SKAP1: variants seen among roughly 807,000 people sequenced by gnomAD.
SKAP1 encodes the protein src kinase associated phosphoprotein 1.
Under a neutral mutation model 58.5 loss-of-function variants are expected in SKAP1, and 44 were observed. The ratio of observed to expected loss-of-function variants is 0.75; its 90% CI spans 0.59 to 0.97. The LOEUF is 0.97. Among genes scored for constraint, SKAP1 ranks in the 50% least tolerant of loss-of-function variants. SKAP1 has a pLI of 0.00. For missense variants in SKAP1, 390 were observed against 435.2 expected, an observed-to-expected ratio of 0.90 and a Z score of 0.92; for synonymous variants, 127 against 149.7, an observed-to-expected ratio of 0.85 and a Z score of 1.11.
chr17:48,345,151 C>T (rs770920838), intron 4 of SKAP1, among the ~76,000 whole-genome samples: 5 of 152,182 alleles, frequency 3.3e-5, no homozygotes, highest in African/African-American at 4.8e-5. Context: ...AGAGGCACAG[C>T]GGATCCCCAC....
At chr17:48,397,426 A>G (rs1391869740) in intron 1 of SKAP1, among the ~76,000 whole-genome samples, 1 of 152,178 alleles carries the variant, frequency 6.6e-6, no homozygotes, top group Non-Finnish European at 1.5e-5. Flanking sequence ...GGTTTTCATC[A>G]TGTTGCCCAG....
intron 1 of SKAP1, among the ~76,000 whole-genome samples, chr17:48,416,424 GTCCATCCCAGGGCTC>G (rs1396950005): frequency 1.3e-5 from 2 of 152,144 alleles, no homozygotes; most frequent in African/African-American, 4.8e-5. Flanking sequence ...ACTCCCAGGG[GTCCATCCCAGGGCTC>G]TCCTTGTACT....
chr17:48,148,512 T>C (rs917922577), intron 11 of SKAP1, among the ~76,000 whole-genome samples: 1 of 152,240 alleles, frequency 6.6e-6, no homozygotes, highest in Non-Finnish European at 1.5e-5. Context: ...CGCTCTGTTT[T>C]GCTCTGACCG....
At chr17:48,364,589 C>T (rs143271677) in intron 2 of SKAP1, among the ~76,000 whole-genome samples, 14,182 of 152,080 alleles carry the variant, frequency 0.093, 998 homozygotes, top group African/African-American at 0.17. Context: ...GCAGGAGAAT[C>T]GCTTGAACCC....
intron 4 of SKAP1, among the ~76,000 whole-genome samples, chr17:48,316,579 G>A (rs768895286): frequency 2.0e-5 from 3 of 151,844 alleles, no homozygotes; most frequent in Non-Finnish European, 2.9e-5. Flanking sequence ...ATAACATATC[G>A]GCCCCAGTAA....
chr17:48,206,816 T>C (rs933987623), intron 4 of SKAP1, among the ~76,000 whole-genome samples: 19 of 152,128 alleles, frequency 1.2e-4, no homozygotes, highest in African/African-American at 3.9e-4. Context: ...CTTGTAGTAT[T>C]ATTTGATTAA....
intron 11 of SKAP1, among the ~76,000 whole-genome samples, chr17:48,149,535 A>G (rs1393681065): frequency 6.6e-6 from 1 of 152,220 alleles, no homozygotes; most frequent in Non-Finnish European, 1.5e-5. Flanking sequence ...GGTGTGTTAC[A>G]TCATCTGCAC....
At chr17:48,279,743 T>G (rs1402262035) in intron 4 of SKAP1, among the ~76,000 whole-genome samples, 4 of 152,220 alleles carry the variant, frequency 2.6e-5, no homozygotes, top group Non-Finnish European at 2.9e-5. Flanking sequence ...CTCTCTTAGC[T>G]TCCCTTTCCC....
At chr17:48,438,613 C>T in the SKAP1 span, among the ~76,000 whole-genome samples, 1 of 152,152 alleles carries the variant, frequency 6.6e-6, no homozygotes, top group East Asian at 1.9e-4. Flanking sequence ...TTCCTCCCTG[C>T]CCTATCTATT....
chr17:48,253,984 T>TTAAAAAAAAGAAAAAG (rs1286027920), intron 4 of SKAP1, among the ~76,000 whole-genome samples: 3 of 152,194 alleles, frequency 2.0e-5, no homozygotes, highest in Non-Finnish European at 4.4e-5. Context: ...AAAAGTAGTT[T>TTAAAAAAAAGAAAAAG]TAAAATGAGA....
chr17:48,259,354 T>C (rs2065461653), intron 4 of SKAP1, among the ~76,000 whole-genome samples: 1 of 152,148 alleles, frequency 6.6e-6, no homozygotes, highest in Non-Finnish European at 1.5e-5. Context: ...ACATTGGGTA[T>C]TAAAGAGCCA....
intron 4 of SKAP1, among the ~76,000 whole-genome samples, chr17:48,205,039 C>CTT (rs1172493293): frequency 3.4e-4 from 25 of 74,398 alleles, no homozygotes; most frequent in African/African-American, 4.8e-4. Flanking sequence ...TTCTTTCTTT[C>CTT]TCTCTCTCTC....
At chr17:48,289,317 G>A (rs992176847) in intron 4 of SKAP1, among the ~76,000 whole-genome samples, 1 of 151,572 alleles carries the variant, frequency 6.6e-6, no homozygotes, top group African/African-American at 2.4e-5. Context: ...GGTATATTTG[G>A]CATGTCATTA....
chr17:48,247,588 C>A (rs2065311440), intron 4 of SKAP1, among the ~76,000 whole-genome samples: 1 of 152,128 alleles, frequency 6.6e-6, no homozygotes, highest in South Asian at 2.1e-4. Context: ...GACTAAATAT[C>A]ATTTCACGTG....
At chr17:48,186,632 C>T (rs2064457306) in intron 6 of SKAP1, among the ~76,000 whole-genome samples, 1 of 152,096 alleles carries the variant, frequency 6.6e-6, no homozygotes, top group South Asian at 2.1e-4. Flanking sequence ...CCATGCCTGG[C>T]TAATTTTTGT....
intron 4 of SKAP1, among the ~76,000 whole-genome samples, chr17:48,338,385 C>T (rs2066604061): frequency 6.6e-6 from 1 of 152,114 alleles, no homozygotes; most frequent in African/African-American, 2.4e-5. Flanking sequence ...CTCCTGACCT[C>T]AAGTGATCCA....
intron 1 of SKAP1, among the ~76,000 whole-genome samples, chr17:48,414,366 A>G (rs529486249): frequency 6.6e-6 from 1 of 152,312 alleles, no homozygotes; most frequent in East Asian, 1.9e-4. Context: ...GCATGGGAAC[A>G]TCATATGCAG....
intron 3 of SKAP1, among the ~76,000 whole-genome samples, chr17:48,351,618 T>C (rs1567878839): frequency 1.3e-5 from 2 of 152,202 alleles, no homozygotes; most frequent in African/African-American, 2.4e-5. Context: ...GGATCTCAAA[T>C]GTACAAGAAG....
At chr17:48,216,300 T>C (rs577763541) in intron 4 of SKAP1, among the ~76,000 whole-genome samples, 1 of 152,292 alleles carries the variant, frequency 6.6e-6, no homozygotes, top group African/African-American at 2.4e-5. Flanking sequence ...TACAACTTTA[T>C]AGACAAGACT....
Sources: gnomAD v4.1 joint callset for allele counts (sites outside exome capture counted in the v4.1 genomes callset) on GRCh38, gnomAD v4.1.1 for gene constraint, MANE v1.5 for transcripts, NCBI Gene and HGNC (gene_info 2026-07-23, HGNC 2026-07-21) for gene names.